Variants in CBLB observed in about 807,000 individuals in gnomAD.
CBLB encodes Cbl proto-oncogene B, also known as E3 ubiquitin-protein ligase CBL-B.
CBLB carries 31 observed loss-of-function variants against 104.9 expected under a neutral mutation model. That is an observed-to-expected ratio of 0.30 (90% CI 0.22 to 0.40). CBLB has a LOEUF of 0.40. CBLB is among the 10% of genes least tolerant of loss of function. CBLB has a pLI of 1.00. For missense variants in CBLB, 1,062 were observed against 1,214.6 expected (o/e 0.87, Z 1.87); for synonymous variants, 440 against 422.6 (o/e 1.04, Z -0.51).
intron 16 of CBLB, among the ~76,000 whole-genome samples, chr3:105,680,043 G>C (rs750847040): frequency 1.1e-4 from 17 of 151,890 alleles, no homozygotes; most frequent in Non-Finnish European, 2.1e-4. Context: ...TCCATGAAAG[G>C]AGCTTAAAAA....
At chr3:105,780,668 T>TTTTTTTTTTTTTTTTTTTTTTTTTG (rs2080131020) in intron 3 of CBLB, among the ~76,000 whole-genome samples, 1 of 99,676 alleles carries the variant, frequency 1.0e-5, no homozygotes, top group African/African-American at 4.1e-5. Flanking sequence ...TTGTTTTTTT[T>TTTTTTTTTTTTTTTTTTTTTTTTTG]TTTTTTTTTT....
chr3:105,659,028 C>T lies in CBLB; in HGVS notation c.2891G>A (p.Arg964Gln), dbSNP rs746886895. The T allele has an allele frequency of 2.3e-5, 37 of 1,613,906 alleles. No individual in the cohort carries two copies. The highest frequency in any genetic ancestry group is 2.8e-5 in the Non-Finnish European group (33 of 1,179,902). Residue 964 changes from arginine (R) to glutamine (Q), a missense_variant, in exon 19 of 19, where the codon CGG (arginine) becomes CAG (glutamine). Arg to Gln is a conservative substitution (Grantham distance 43). This residue lies in a region of CBLB where 605 missense variants were observed against 582.6 expected (regional missense o/e 1.04). Coordinates refer to ENST00000394030, the MANE Select transcript of CBLB (RefSeq NM_170662.5). ...EIAQNNVEVA[R>Q]SILREFAFPP... ...GAAGGCAAATTCTCGGAGGATGCTC[C>T]GGGCAACTTCGACATTATTCTGGGC...
chr3:105,782,620 C>G (rs1222025147), intron 3 of CBLB, among the ~76,000 whole-genome samples: 1 of 146,102 alleles, frequency 6.8e-6, no homozygotes, highest in Non-Finnish European at 1.5e-5. Context: ...GAGTCTCACT[C>G]TATTGCCCAG....
At chr3:105,723,661 G>GTCA (rs1250934837) in intron 9 of CBLB, among the ~76,000 whole-genome samples, 1 of 151,976 alleles carries the variant, frequency 6.6e-6, no homozygotes, top group Non-Finnish European at 1.5e-5. Flanking sequence ...AATACTCTAT[G>GTCA]TAAAAACCCA....
chr3:105,721,009 C>T (rs747028729), intron 9 of CBLB, among the ~76,000 whole-genome samples: 3 of 152,170 alleles, frequency 2.0e-5, no homozygotes, highest in African/African-American at 4.8e-5. Flanking sequence ...AAACTAACTA[C>T]ATTAAAAATT....
chr3:105,794,783 T>C (rs536484970), intron 3 of CBLB, among the ~76,000 whole-genome samples: 52 of 152,302 alleles, frequency 3.4e-4, no homozygotes, highest in Admixed American at 1.0e-3. Context: ...CATTTAAAAA[T>C]ATATACATAC....
intron 2 of CBLB, among the ~76,000 whole-genome samples, chr3:105,866,939 G>T (rs927222522): frequency 2.0e-5 from 3 of 152,164 alleles, no homozygotes; most frequent in Non-Finnish European, 4.4e-5. Context: ...GATGAAAATG[G>T]AAACTCCCTC....
rs1171217619 is a variant in CBLB, at chr3:105,733,356, C to CAA, written c.1203+651_1203+652dup. 1.1e-3 allele frequency among the ~76,000 whole-genome samples: 81 copies of CAA among 71,026 alleles called. 1 individual carries two copies. The East Asian group carries it at 0.025, about 22-fold the overall frequency. The allele number at this position is 71,026 out of a possible 152,430, so 46.6% of individuals were successfully genotyped here. ...TGGGCGACAGAGCAAGACTCTGTCTCAAAAAAAAAAAAAAAAGGAAAGTCC... is the reference window on the plus strand; with the variant it reads ...TGGGCGACAGAGCAAGACTCTGTCTCAAAAAAAAAAAAAAAAAAGGAAAGTCC... On this transcript the variant is annotated intron_variant, in intron 9 of 18. Transcript: ENST00000394030.
At chr3:105,835,893 T>A (rs1398744826) in intron 3 of CBLB, among the ~76,000 whole-genome samples, 1 of 152,168 alleles carries the variant, frequency 6.6e-6, no homozygotes, top group Non-Finnish European at 1.5e-5. Context: ...TTACAATAAA[T>A]GCATACAAAG....
chr3:105,786,792 T>G (rs919670865), intron 3 of CBLB, among the ~76,000 whole-genome samples: 4 of 152,162 alleles, frequency 2.6e-5, no homozygotes, highest in African/African-American at 9.7e-5. Context: ...TAAATTATTA[T>G]TAGGAGCAAG....
intron 3 of CBLB, among the ~76,000 whole-genome samples, chr3:105,829,625 T>C (rs1179481316): frequency 7.7e-6 from 1 of 130,596 alleles, no homozygotes; most frequent in Admixed American, 9.3e-5. Context: ...GCTGTGTTCA[T>C]GCCACCACAC....
intron 3 of CBLB, among the ~76,000 whole-genome samples, chr3:105,842,719 C>CAGGA (rs2089724329): frequency 6.6e-6 from 1 of 152,126 alleles, no homozygotes; most frequent in African/African-American, 2.4e-5. Context: ...GAAGCTGCAA[C>CAGGA]AGGAATTCCA....
At chr3:105,710,635 T>C (rs1215334454) in intron 10 of CBLB, among the ~76,000 whole-genome samples, 1 of 151,916 alleles carries the variant, frequency 6.6e-6, no homozygotes, top group Non-Finnish European at 1.5e-5. Context: ...CCTTCCTGTA[T>C]TATCATCACA....
At chr3:105,777,674 G>A (rs961657272) in intron 3 of CBLB, among the ~76,000 whole-genome samples, 2 of 152,104 alleles carry the variant, frequency 1.3e-5, no homozygotes, top group African/African-American at 4.8e-5. Flanking sequence ...ATGGATTAAT[G>A]GATTCAGAAT....
intron 4 of CBLB, among the ~76,000 whole-genome samples, chr3:105,764,917 G>A (rs753533543): frequency 1.3e-5 from 2 of 152,210 alleles, no homozygotes; most frequent in Admixed American, 6.5e-5. Flanking sequence ...GGCCAAAGCC[G>A]AATCCAAAAC....
chr3:105,731,901 T>C (rs1371952524), intron 9 of CBLB, among the ~76,000 whole-genome samples: 3 of 152,216 alleles, frequency 2.0e-5, no homozygotes, highest in Non-Finnish European at 1.5e-5. Flanking sequence ...TCTTGCAACA[T>C]GTATGCATGT....
At chr3:105,783,769 C>T (rs1049373651) in intron 3 of CBLB, among the ~76,000 whole-genome samples, 5 of 152,264 alleles carry the variant, frequency 3.3e-5, no homozygotes, top group African/African-American at 1.2e-4. Context: ...CAAAATGCAG[C>T]TAGTCCTGCA....
chr3:105,708,500 G>A (rs952276110), intron 10 of CBLB, among the ~76,000 whole-genome samples: 65 of 152,166 alleles, frequency 4.3e-4, no homozygotes, highest in African/African-American at 1.6e-3. Flanking sequence ...TAAATTTCAA[G>A]TATGACTATC....
Position 105,659,113 on chromosome 3 carries a change from T to C in CBLB, c.2806A>G (p.Ile936Val). ...EAALENVDAKIAKLMGEGYAF... is the reference protein window; with the variant it reads ...EAALENVDAKVAKLMGEGYAF... ...TAACCCTCTCCCATGAGTTTTGCAA[T>C]TTTTGCATCGACATTTTCCAATGCC... Residue 936 changes from isoleucine to valine, a missense_variant, in exon 19 of 19, where the codon ATT becomes GTT. Ile to Val is a conservative substitution (Grantham distance 29, BLOSUM62 3). Transcript: ENST00000394030. 2 of 1,614,036 alleles carry C rather than the reference T, an allele frequency of 1.2e-6. No individual in the cohort carries two copies. Among genetic ancestry groups the C allele is most frequent in the African/African-American group, 1.3e-5 (1 of 75,042 alleles).
Sources: gnomAD v4.1 joint callset for allele counts (sites outside exome capture counted in the v4.1 genomes callset) on GRCh38, gnomAD v4.1.1 for gene constraint, gnomAD v4.1.1 regional missense constraint, MANE v1.5 for transcripts, NCBI Gene and HGNC (gene_info 2026-07-23, HGNC 2026-07-21) for gene names.